Variants in IQCH observed in about 807,000 individuals in gnomAD.
IQCH encodes the protein IQ motif containing H, also known as IQ domain-containing protein H.
IQCH carries 98 observed loss-of-function variants against 117.0 expected under a neutral mutation model. The observed-to-expected ratio is 0.84, with a 90% confidence interval of 0.71 to 0.99. The LOEUF is 0.99. Ranked by LOEUF, IQCH falls within the 50% of genes least tolerant of loss-of-function variation. The probability of loss-of-function intolerance (pLI) is 0.00; values close to 1 mark genes in which losing one functional copy is unlikely to be tolerated. For synonymous variants in IQCH, 412 were observed against 448.2 expected (o/e 0.92, Z 1.02); for missense variants, 1,102 against 1,243.8 (o/e 0.89, Z 1.72).
intron 4 of IQCH, among the ~76,000 whole-genome samples, chr15:67,325,542 GAAGT>G (rs1968367207): frequency 6.6e-6 from 1 of 151,898 alleles, no homozygotes; most frequent in Non-Finnish European, 1.5e-5. Flanking sequence ...ACTCACTTTT[GAAGT>G]ATGTACATAT....
chr15:67,344,202 C>T lies in IQCH; in HGVS notation c.637+11C>T, dbSNP rs778776224. 8.1e-6 allele frequency: 13 copies of T among 1,611,730 alleles called. No individual in the cohort carries two copies. Among genetic ancestry groups the T allele is most frequent in the Non-Finnish European group, 8.5e-6 (10 of 1,178,952 alleles). On this transcript the variant is annotated intron_variant, in intron 6 of 20. Coordinates refer to ENST00000335894, the MANE Select transcript of IQCH (RefSeq NM_001031715.3). ...AGATTCCAACTGTAGGTAAGATACT[C>T]ATGCATCTCAGTTCAGTTGGGGACA...
At chr15:67,268,298 C>T (rs990319178) in intron 3 of IQCH, among the ~76,000 whole-genome samples, 11 of 152,162 alleles carry the variant, frequency 7.2e-5, no homozygotes, top group East Asian at 1.9e-4. Flanking sequence ...CTTAAAACAA[C>T]GATAAGGACG....
At chr15:67,288,783 A>G (rs561783577) in intron 4 of IQCH, among the ~76,000 whole-genome samples, 177 of 152,242 alleles carry the variant, frequency 1.2e-3, no homozygotes, top group African/African-American at 3.8e-3. Flanking sequence ...TCTTCTAAGC[A>G]CTGGAGGACT....
At chr15:67,486,649 C>T (rs2083488555) in intron 18 of IQCH, among the ~76,000 whole-genome samples, 1 of 152,136 alleles carries the variant, frequency 6.6e-6, no homozygotes, top group Non-Finnish European at 1.5e-5. Context: ...CCTAGAATAG[C>T]ACTGTCCAAT....
chr15:67,494,322 CA>C lies in IQCH; in HGVS notation c.2928del (p.Glu977LysfsTer24), dbSNP rs2083746783. On this transcript the variant is annotated frameshift_variant, in exon 20 of 21. Transcript: ENST00000335894. LOFTEE classifies it high-confidence loss of function. The surrounding 1 kb of genome is among the most constrained non-coding windows in gnomAD (Gnocchi z 5.5). ...TFARHLFIIH[Q>X]EISAPNMQGE... ...TGCTCGCCATCTCTTCATCATCCAT[CA>C]AGAAATATCAGCACCTAATATGCAA... is the stretch of plus-strand genomic sequence containing the variant. The C allele has an allele frequency of 6.2e-7, 1 of 1,613,192 alleles. No individual in the cohort carries two copies. Among genetic ancestry groups the C allele is most frequent in the African/African-American group, 1.3e-5 (1 of 74,906 alleles).
At position 67,391,843 on chromosome 15, in the gene IQCH, C is replaced by T. The variant is rs993727119; in HGVS notation, c.1632+2837C>T. On this transcript the variant is annotated intron_variant, in intron 12 of 20. Coordinates refer to ENST00000335894, the MANE Select transcript of IQCH (RefSeq NM_001031715.3). The surrounding 1 kb of genome is among the most constrained non-coding windows in gnomAD (Gnocchi z 4.3). ...GAGTCTAGGGCATGCCCGCAGATGACTATAATACAGAGTTGGGTAGAGTAC... is the reference window on the plus strand; with the variant it reads ...GAGTCTAGGGCATGCCCGCAGATGATTATAATACAGAGTTGGGTAGAGTAC... 6.6e-6 allele frequency among the ~76,000 whole-genome samples: 1 copy of T among 152,206 alleles called. No individual in the cohort carries two copies. Among genetic ancestry groups the T allele is most frequent in the Non-Finnish European group, 1.5e-5 (1 of 68,036 alleles).
chr15:67,392,208 G>C (rs1971308156), intron 12 of IQCH, among the ~76,000 whole-genome samples: 1 of 152,192 alleles, frequency 6.6e-6, no homozygotes, highest in African/African-American at 2.4e-5. Context: ...CAAAGGCTTT[G>C]ATCTTGTGAA....
intron 12 of IQCH, among the ~76,000 whole-genome samples, chr15:67,394,495 T>G (rs1971393737): frequency 6.6e-6 from 1 of 152,172 alleles, no homozygotes; most frequent in Admixed American, 6.6e-5. Flanking sequence ...AGTTATGTGT[T>G]AACTGTTATT....
Position 67,485,743 on chromosome 15 carries a change from C to T in IQCH, c.2800-4260C>T, listed in dbSNP as rs372608252. Among the ~76,000 whole-genome samples the T allele has an allele frequency of 2.9e-4, 44 of 152,336 alleles. 2 individuals carry two copies. In the East Asian group the frequency reaches 2.9e-3, roughly 10 times the overall value. On this transcript the variant is annotated intron_variant, in intron 18 of 20. Coordinates refer to ENST00000335894, the MANE Select transcript of IQCH (RefSeq NM_001031715.3). ...GCGTGATCTTGGCTCACTGCAACCT[C>T]CGCCTTCCGGGTTCAAGCAGTTCTC... is the stretch of plus-strand genomic sequence containing the variant.
chr15:67,392,538 A>T (rs1971320295), intron 12 of IQCH, among the ~76,000 whole-genome samples: 1 of 152,120 alleles, frequency 6.6e-6, no homozygotes, highest in Non-Finnish European at 1.5e-5. Context: ...GCATTTTGGG[A>T]GGCCAAGGCA....
intron 6 of IQCH, among the ~76,000 whole-genome samples, chr15:67,350,364 G>A (rs1425584786): frequency 6.6e-6 from 1 of 152,184 alleles, no homozygotes; most frequent in Non-Finnish European, 1.5e-5. Context: ...GGGATGGGGA[G>A]AGTAGTTGAC....
chr15:67,360,260 C>T (rs973211775), intron 8 of IQCH, among the ~76,000 whole-genome samples: 6 of 152,152 alleles, frequency 3.9e-5, no homozygotes, highest in East Asian at 1.9e-4. Context: ...TCCCCCAGCA[C>T]GTGCTTATAT....
In IQCH at chr15:67,342,280, C is replaced by G. The variant is rs550084316; in HGVS notation, c.509-1783C>G. 1.3e-5 allele frequency among the ~76,000 whole-genome samples: 2 copies of G among 152,148 alleles called. No homozygotes were observed. The highest frequency in any genetic ancestry group is 4.8e-5 in the African/African-American group (2 of 41,516). ...AGACCCTGTCTCTAAAAAAGCAAAA[C>G]AAAACAAAGATGCATACAGAGTCCT... On this transcript the variant is annotated intron_variant, in intron 5 of 20. Transcript: ENST00000335894. This position sits in a 1 kb window ranked among gnomAD's most constrained non-coding sequence, Gnocchi z 4.7.
At position 67,362,172 on chromosome 15, in the gene IQCH, T is replaced by C. The variant is rs183097682; in HGVS notation, c.753+2287T>C. Among the ~76,000 whole-genome samples, 144 of 119,178 alleles carry C rather than the reference T, an allele frequency of 1.2e-3. 1 individual carries two copies. Among genetic ancestry groups the C allele is most frequent in the Middle Eastern group, 8.8e-3 (2 of 226 alleles). 78.2% of individuals were successfully genotyped at this position (119,178 alleles called of 152,430 possible). A position where few individuals can be genotyped will look rare whatever the true frequency, so the allele number is the denominator to read the frequency against. ...CACCACACACACACACACACACACA[T>C]ACACACGTATATTTACAGCAAAGAC... On this transcript the variant is annotated intron_variant, in intron 8 of 20. Transcript: ENST00000335894.
At chr15:67,288,933 A>G (rs1401455768) in intron 4 of IQCH, among the ~76,000 whole-genome samples, 1 of 152,146 alleles carries the variant, frequency 6.6e-6, no homozygotes, top group African/African-American at 2.4e-5. Context: ...TACAAAGGCA[A>G]TGATGCCTGG....
rs921584882 is a variant in IQCH, at chr15:67,500,372, G to A, written c.2971-261G>A. ...GAAAAATACGATTAAAAAAATTAAA[G>A]ATGTACAATTTAGAAGCCCAATGTT... is the stretch of plus-strand genomic sequence containing the variant. On this transcript the variant is annotated intron_variant, in intron 20 of 20. Coordinates refer to ENST00000335894, the MANE Select transcript of IQCH (RefSeq NM_001031715.3). The surrounding 1 kb of genome is among the most constrained non-coding windows in gnomAD (Gnocchi z 4.4). 5.3e-5 allele frequency among the ~76,000 whole-genome samples: 8 copies of A among 152,052 alleles called. No homozygotes were observed. Among genetic ancestry groups the A allele is most frequent in the Non-Finnish European group, 1.2e-4 (8 of 67,978 alleles).
chr15:67,353,072 G>T (rs1229074454), intron 6 of IQCH, among the ~76,000 whole-genome samples: 1 of 151,928 alleles, frequency 6.6e-6, no homozygotes, highest in Non-Finnish European at 1.5e-5. Flanking sequence ...CTTGAACCCA[G>T]GAGGCAGAGG....
chr15:67,474,067 AGTGTGTGT>A lies in IQCH; in HGVS notation c.2677-1599_2677-1592del, dbSNP rs36050088. 1.5e-3 allele frequency among the ~76,000 whole-genome samples: 201 copies of A among 138,314 alleles called. No homozygotes were observed. The highest frequency in any genetic ancestry group is 4.7e-3 in the African/African-American group (176 of 37,076). 90.7% of individuals were successfully genotyped at this position (138,314 alleles called of 152,430 possible). A position where few individuals can be genotyped will look rare whatever the true frequency, so the allele number is the denominator to read the frequency against. On this transcript the variant is annotated intron_variant, in intron 17 of 20. Transcript: ENST00000335894. The surrounding 1 kb of genome is among the most constrained non-coding windows in gnomAD (Gnocchi z 4.1). ...GTCACCAAAAGTGCCACGAAATCTG[AGTGTGTGT>A]GTGTGTGTGTGTGTGTGTGTGTGTG...
At chr15:67,273,615 A>G (rs888593535) in intron 3 of IQCH, among the ~76,000 whole-genome samples, 3 of 152,200 alleles carry the variant, frequency 2.0e-5, no homozygotes, top group African/African-American at 7.2e-5. Context: ...ATAGTTTTAT[A>G]TTGCCTATCT....
Sources: allele counts gnomAD v4.1 joint callset (sites outside exome capture counted in the v4.1 genomes callset), GRCh38; gene constraint gnomAD v4.1.1; non-coding constraint Gnocchi (gnomAD v3.1); transcripts MANE v1.5; gene names NCBI Gene and HGNC (gene_info 2026-07-23, HGNC 2026-07-21).